PTPRM: variants seen among roughly 807,000 people sequenced by gnomAD.
PTPRM encodes the protein protein tyrosine phosphatase receptor type M, also known as receptor-type tyrosine-protein phosphatase mu.
PTPRM carries 47 observed loss-of-function variants against 186.7 expected under a neutral mutation model. That is an observed-to-expected ratio of 0.25 (90% CI 0.20 to 0.32). The LOEUF is 0.32. Ranked by LOEUF, PTPRM falls within the 10% of genes least tolerant of loss-of-function variation. PTPRM has a pLI of 1.00. For missense variants in PTPRM, 1,494 were observed against 1,865.0 expected, an observed-to-expected ratio of 0.80 and a Z score of 3.66; for synonymous variants, 668 against 674.9, an observed-to-expected ratio of 0.99 and a Z score of 0.16.
At chr18:7,718,598 G>C (rs2040387746) in intron 1 of PTPRM, among the ~76,000 whole-genome samples, 1 of 152,132 alleles carries the variant, frequency 6.6e-6, no homozygotes, top group South Asian at 2.1e-4. Flanking sequence ...GGCACAGCAA[G>C]AGAAATAATT....
At chr18:8,114,047 A>G (rs1264461212) in intron 12 of PTPRM, among the ~76,000 whole-genome samples, 2 of 150,890 alleles carry the variant, frequency 1.3e-5, no homozygotes, top group East Asian at 1.9e-4. Flanking sequence ...TTAGCTTACT[A>G]TTTTACAGGA....
intron 2 of PTPRM, among the ~76,000 whole-genome samples, chr18:7,804,166 G>A (rs575990942): frequency 6.6e-6 from 1 of 152,236 alleles, no homozygotes; most frequent in Admixed American, 6.5e-5. Context: ...ATCATCGGTT[G>A]GGGTGGACTC....
At chr18:7,961,846 A>G (rs930429108) in intron 7 of PTPRM, among the ~76,000 whole-genome samples, 1 of 152,200 alleles carries the variant, frequency 6.6e-6, no homozygotes. Context: ...GAGTTTTAAT[A>G]TCTGTCTGCG....
At chr18:7,775,524 C>T (rs1043722521) in intron 2 of PTPRM, among the ~76,000 whole-genome samples, 4 of 152,142 alleles carry the variant, frequency 2.6e-5, no homozygotes, top group Non-Finnish European at 5.9e-5. Context: ...GGTGTCTTCC[C>T]CTGATGGCCT....
chr18:8,286,427 TC>T (rs2094957854), intron 19 of PTPRM, among the ~76,000 whole-genome samples: 1 of 152,184 alleles, frequency 6.6e-6, no homozygotes, highest in Non-Finnish European at 1.5e-5. Flanking sequence ...CGTGGAAACT[TC>T]CGCCATGCTG....
chr18:8,310,121 A>G (rs2095256861), intron 20 of PTPRM, among the ~76,000 whole-genome samples: 1 of 152,128 alleles, frequency 6.6e-6, no homozygotes, highest in South Asian at 2.1e-4. Context: ...CTAGAAGTCA[A>G]CATGATACCT....
At chr18:7,847,614 C>T (rs1377529742) in intron 2 of PTPRM, among the ~76,000 whole-genome samples, 9 of 152,190 alleles carry the variant, frequency 5.9e-5, no homozygotes, top group Non-Finnish European at 8.8e-5. Flanking sequence ...TCACTTCTCA[C>T]TGTGCTGTGG....
chr18:7,658,389 G>A (rs542719455), intron 1 of PTPRM, among the ~76,000 whole-genome samples: 3 of 138,378 alleles, frequency 2.2e-5, no homozygotes, highest in South Asian at 2.2e-4. Flanking sequence ...CTATAAAAAT[G>A]AACAACTTTA....
intron 6 of PTPRM, among the ~76,000 whole-genome samples, chr18:7,952,061 A>G (rs568855429): frequency 1.3e-5 from 2 of 152,378 alleles, no homozygotes; most frequent in East Asian, 1.9e-4. Context: ...AATATTTCAT[A>G]TAATCTCCAC....
intron 5 of PTPRM, among the ~76,000 whole-genome samples, chr18:7,937,714 A>G (rs1458056803): frequency 6.6e-6 from 1 of 152,226 alleles, no homozygotes; most frequent in Non-Finnish European, 1.5e-5. Context: ...GAGTTGCAGA[A>G]TGGTCTAGGT....
intron 20 of PTPRM, among the ~76,000 whole-genome samples, chr18:8,302,741 T>C (rs1313297696): frequency 6.6e-6 from 1 of 151,378 alleles, no homozygotes; most frequent in Non-Finnish European, 1.5e-5. Context: ...TACTGGAGGA[T>C]GAATGGTTAG....
chr18:7,677,030 T>C (rs2039360519), intron 1 of PTPRM, among the ~76,000 whole-genome samples: 1 of 152,226 alleles, frequency 6.6e-6, no homozygotes, highest in South Asian at 2.1e-4. Flanking sequence ...TGGCATTTCC[T>C]CTGACCTTTT....
intron 2 of PTPRM, among the ~76,000 whole-genome samples, chr18:7,813,357 C>T (rs181676265): frequency 1.6e-4 from 25 of 152,316 alleles, no homozygotes; most frequent in Admixed American, 1.0e-3. Flanking sequence ...TGCTTGGAAC[C>T]GGTAGCCAGT....
chr18:8,220,073 G>A (rs1203726827), intron 14 of PTPRM, among the ~76,000 whole-genome samples: 2 of 152,158 alleles, frequency 1.3e-5, no homozygotes, highest in African/African-American at 4.8e-5. Flanking sequence ...CTACAAGTCA[G>A]TGGGGAGCTT....
chr18:8,262,493 G>A (rs535034745), intron 19 of PTPRM, among the ~76,000 whole-genome samples: 112 of 152,116 alleles, frequency 7.4e-4, no homozygotes, highest in African/African-American at 2.7e-3. Flanking sequence ...TCATGTACTC[G>A]CCACCCTGCC....
intron 14 of PTPRM, among the ~76,000 whole-genome samples, chr18:8,171,526 AAAGAGAATCACAACC>A (rs1366067242): frequency 6.6e-6 from 1 of 152,210 alleles, no homozygotes; most frequent in African/African-American, 2.4e-5. Flanking sequence ...GTCCTTAGTG[AAAGAGAATCACAACC>A]AAGAGAAAAC....
At chr18:7,988,173 A>G (rs532516903) in intron 7 of PTPRM, among the ~76,000 whole-genome samples, 1 of 152,212 alleles carries the variant, frequency 6.6e-6, no homozygotes, top group South Asian at 2.1e-4. Flanking sequence ...TGACAGACCT[A>G]GGGGATCTGT....
chr18:8,193,544 T>C (rs2093735770), intron 14 of PTPRM, among the ~76,000 whole-genome samples: 1 of 152,242 alleles, frequency 6.6e-6, no homozygotes, highest in Admixed American at 6.5e-5. Flanking sequence ...GAACATCAAC[T>C]GTCCTGTAGC....
intron 14 of PTPRM, among the ~76,000 whole-genome samples, chr18:8,241,946 A>G (rs1356990767): frequency 6.6e-6 from 1 of 152,302 alleles, no homozygotes; most frequent in Non-Finnish European, 1.5e-5. Context: ...AAGATCAGCA[A>G]TTAAGTGATG....
Sources: gnomAD v4.1 joint callset for allele counts (sites outside exome capture counted in the v4.1 genomes callset) on GRCh38, gnomAD v4.1.1 for gene constraint, MANE v1.5 for transcripts, NCBI Gene and HGNC (gene_info 2026-07-23, HGNC 2026-07-21) for gene names.